Variants in SLIT3 observed in about 807,000 individuals in gnomAD.
SLIT3 encodes the protein slit homolog 3 protein.
A neutral mutation model predicts 184.0 loss-of-function variants in SLIT3; 68 were observed. That is an observed-to-expected ratio of 0.37 (90% CI 0.30 to 0.45). The LOEUF is 0.45. SLIT3 is among the 20% of genes least tolerant of loss of function. SLIT3 has a pLI of 1.00. For synonymous variants in SLIT3, 831 were observed against 828.6 expected, an observed-to-expected ratio of 1.00 and a Z score of -0.05; for missense variants, 1,707 against 2,026.0, an observed-to-expected ratio of 0.84 and a Z score of 3.02.
chr5:168,698,530 G>A (rs1168013029), intron 27 of SLIT3, among the ~76,000 whole-genome samples: 1 of 152,152 alleles, frequency 6.6e-6, no homozygotes, highest in Non-Finnish European at 1.5e-5. Flanking sequence ...GAGGCTCAGA[G>A]GGAGCATGGC....
chr5:168,804,828 T>A (rs1756901287), intron 9 of SLIT3, among the ~76,000 whole-genome samples: 1 of 152,200 alleles, frequency 6.6e-6, no homozygotes, highest in Admixed American at 6.5e-5. Context: ...AGCCAAAGTC[T>A]TTAAAACGTC....
At chr5:169,248,660 C>T (rs1296574290) in intron 2 of SLIT3, among the ~76,000 whole-genome samples, 2 of 152,270 alleles carry the variant, frequency 1.3e-5, no homozygotes, top group African/African-American at 4.8e-5. Context: ...GGATCAGGAT[C>T]GGAAATCGCC....
chr5:169,190,525 G>T (rs912688651), intron 4 of SLIT3, among the ~76,000 whole-genome samples: 4 of 152,172 alleles, frequency 2.6e-5, no homozygotes, highest in Non-Finnish European at 2.9e-5. Context: ...TCACAGCATA[G>T]GTTCTAATAA....
intron 11 of SLIT3, among the ~76,000 whole-genome samples, chr5:168,786,731 C>T (rs1380378923): frequency 6.6e-6 from 1 of 152,130 alleles, no homozygotes; most frequent in Non-Finnish European, 1.5e-5. Flanking sequence ...CTGGGTCTCC[C>T]ACTCCAGCAC....
intron 3 of SLIT3, among the ~76,000 whole-genome samples, chr5:169,219,550 T>A (rs1422713570): frequency 6.6e-6 from 1 of 152,030 alleles, no homozygotes; most frequent in African/African-American, 2.4e-5. Context: ...TATCTGTCCA[T>A]CCTGTTTGGG....
chr5:168,673,131 C>G (rs1217054994), intron 33 of SLIT3, 46 bp downstream of exon 33: 3 of 1,598,568 alleles, frequency 1.9e-6, no homozygotes, highest in Non-Finnish European at 8.6e-7. Flanking sequence ...TACTGGAGCA[C>G]AGAGGGCCAG....
At chr5:168,855,490 T>C (rs1758831209) in intron 5 of SLIT3, among the ~76,000 whole-genome samples, 5 of 152,094 alleles carry the variant, frequency 3.3e-5, no homozygotes, top group African/African-American at 7.2e-5. Context: ...AGCGGATGAG[T>C]GGATACACGA....
At position 168,947,228 on chromosome 5, in the gene SLIT3, G is replaced by A. The variant is rs62377200; in HGVS notation, c.414-63892C>T. Reference sequence around the variant, plus strand: ...TAAAAGGCTGAAAGAGAAATGCAACGAGAGAAAAAACAGATGCTTGCCTCT... The same window carrying A: ...TAAAAGGCTGAAAGAGAAATGCAACAAGAGAAAAAACAGATGCTTGCCTCT... On this transcript the variant is annotated intron_variant, in intron 4 of 35. Coordinates refer to ENST00000519560, the MANE Select transcript of SLIT3 (RefSeq NM_003062.4). 4.2e-3 allele frequency among the ~76,000 whole-genome samples: 643 copies of A among 152,300 alleles called. 2 individuals are homozygous for A. The highest frequency in any genetic ancestry group is 7.3e-3 in the Non-Finnish European group (496 of 68,016).
intron 14 of SLIT3, among the ~76,000 whole-genome samples, chr5:168,765,068 T>TCCTTGCAAAGCGAAGGAAC (rs1207794360): frequency 1.3e-5 from 2 of 152,174 alleles, no homozygotes; most frequent in Admixed American, 1.3e-4. Context: ...TATAATGGGA[T>TCCTTGCAAAGCGAAGGAAC]CCTTGCAAAG....
intron 16 of SLIT3, among the ~76,000 whole-genome samples, chr5:168,755,394 T>TTTC: frequency 2.3e-4 from 2 of 8,712 alleles, no homozygotes; most frequent in African/African-American, 1.6e-3. Flanking sequence ...CCGCCATTTC[T>TTTC]TTCTTTCTTT....
At chr5:169,101,283 C>G (rs1760003031) in intron 4 of SLIT3, among the ~76,000 whole-genome samples, 1 of 152,092 alleles carries the variant, frequency 6.6e-6, no homozygotes, top group Non-Finnish European at 1.5e-5. Context: ...ATTACTGGTC[C>G]CTTGAATGGT....
intron 16 of SLIT3, among the ~76,000 whole-genome samples, chr5:168,760,209 C>T (rs1755097984): frequency 6.6e-6 from 1 of 152,198 alleles, no homozygotes; most frequent in Admixed American, 6.5e-5. Context: ...GTCCTTAGCT[C>T]AGGACAAGGA....
chr5:168,793,980 T>C (rs1168221634), intron 10 of SLIT3, among the ~76,000 whole-genome samples: 1 of 152,210 alleles, frequency 6.6e-6, no homozygotes, highest in Non-Finnish European at 1.5e-5. Flanking sequence ...CTTCTGGAAT[T>C]GCACCAGAAG....
chr5:168,838,365 A>T (rs1758123478), intron 6 of SLIT3, among the ~76,000 whole-genome samples: 1 of 152,152 alleles, frequency 6.6e-6, no homozygotes, highest in South Asian at 2.1e-4. Context: ...GAGATGCCTC[A>T]TTCTACTGAC....
chr5:169,105,256 C>T (rs891347495), intron 4 of SLIT3, among the ~76,000 whole-genome samples: 32 of 152,182 alleles, frequency 2.1e-4, no homozygotes, highest in African/African-American at 7.7e-4. Context: ...CCTGGAGACA[C>T]ATCATTTGGT....
intron 8 of SLIT3, among the ~76,000 whole-genome samples, chr5:168,808,212 C>A (rs1490747219): frequency 6.6e-6 from 1 of 152,124 alleles, no homozygotes; most frequent in African/African-American, 2.4e-5. Flanking sequence ...CCAGCTGGAA[C>A]ATTCTCCTAG....
At chr5:168,938,751 C>G (rs147169918) in intron 4 of SLIT3, among the ~76,000 whole-genome samples, 118 of 152,294 alleles carry the variant, frequency 7.7e-4, no homozygotes, top group Non-Finnish European at 1.2e-3. Context: ...CCGCCTCAGC[C>G]TCCCTAGTAG....
intron 4 of SLIT3, among the ~76,000 whole-genome samples, chr5:169,107,740 C>A (rs1760269183): frequency 6.6e-6 from 1 of 152,216 alleles, no homozygotes; most frequent in Non-Finnish European, 1.5e-5. Flanking sequence ...TTGCTCCAGC[C>A]CAATTTGCCT....
chr5:168,718,559 T>C (rs1228123438), intron 23 of SLIT3, among the ~76,000 whole-genome samples: 1 of 152,110 alleles, frequency 6.6e-6, no homozygotes, highest in Non-Finnish European at 1.5e-5. Context: ...TGTTCTCTTT[T>C]CGCTATTTTC....
Sources: gnomAD v4.1 joint callset for allele counts (sites outside exome capture counted in the v4.1 genomes callset) on GRCh38, gnomAD v4.1.1 for gene constraint, MANE v1.5 for transcripts, NCBI Gene and HGNC (gene_info 2026-07-23, HGNC 2026-07-21) for gene names.